The following XPC variants were observed in gnomAD, a reference collection of about 807,000 sequenced individuals.
XPC encodes the protein XPC complex subunit, DNA damage recognition and repair factor, also known as DNA repair protein complementing XP-C cells.
A neutral mutation model predicts 95.8 loss-of-function variants in XPC; 76 were observed. The observed-to-expected ratio is 0.79, with a 90% CI of 0.66 to 0.96. The LOEUF (loss-of-function observed/expected upper bound fraction) is 0.96. Ranked by LOEUF, XPC falls within the 40% of genes least tolerant of loss-of-function variation. XPC has a pLI of 0.00. For missense variants in XPC, 1,146 were observed against 1,179.8 expected, an observed-to-expected ratio of 0.97 and a Z score of 0.42; for synonymous variants, 442 against 442.1, an observed-to-expected ratio of 1.00 and a Z score of 0.00.
At chr3:14,161,700 A>G (rs907047256) in intron 7 of XPC, among the ~76,000 whole-genome samples, 6 of 150,640 alleles carry the variant, frequency 4.0e-5, no homozygotes, top group Non-Finnish European at 7.4e-5. Flanking sequence ...ACCCAGATCT[A>G]GTATGATACT....
chr3:14,172,728 G>A (rs1678505684), intron 2 of XPC, 139 bp downstream of exon 2: 3 of 958,826 alleles, frequency 3.1e-6, no homozygotes, highest in Non-Finnish European at 4.4e-6. Context: ...GCTCTTACCG[G>A]TCTGAGTTGT....
intron 10 of XPC, among the ~76,000 whole-genome samples, chr3:14,155,758 T>C (rs1256680438): frequency 1.3e-5 from 2 of 152,030 alleles, no homozygotes; most frequent in African/African-American, 4.8e-5. Flanking sequence ...CAGGGTTTCA[T>C]CGTGTTAGCC....
chr3:14,148,331 G>A (rs1695533399), intron 13 of XPC: 1 of 649,434 alleles, frequency 1.5e-6, no homozygotes, highest in Non-Finnish European at 2.6e-6. Context: ...CCCTAAACCT[G>A]GGAAGAACGT....
chr3:14,161,081 T>G (rs557813478), intron 7 of XPC, among the ~76,000 whole-genome samples: 1 of 152,102 alleles, frequency 6.6e-6, no homozygotes, highest in Non-Finnish European at 1.5e-5. Flanking sequence ...ACAAATTAGA[T>G]AACATAGAGA....
Position 14,158,658 on chromosome 3 carries a change from G to C in XPC, c.1225C>G (p.Gln409Glu), listed in dbSNP as rs562557088. 19 of 1,613,868 alleles carry C rather than the reference G, an allele frequency of 1.2e-5. No individual in the cohort carries two copies. Among genetic ancestry groups the C allele is most frequent in the African/African-American group, 9.3e-5 (7 of 75,010 alleles). ...SEEDEGPGDK[Q>E]EKATQRRPHG... is the part of the protein sequence containing the mutation. ...GGACGTCGCTGGGTTGCCTTCTCCT[G>C]CTTGTCTCCTGGGCCCTCATCTTCC... Residue 409 changes from glutamine (Q) to glutamate (E), a missense_variant, in exon 9 of 16, where the codon CAG (glutamine) becomes GAG (glutamate). By Grantham distance (29) the Gln-to-Glu change is conservative. Transcript: ENST00000285021. The surrounding 1 kb of genome is among the most constrained non-coding windows in gnomAD (Gnocchi z 5.2).
chr3:14,149,140 G>A (rs1383998574), intron 11 of XPC, among the ~76,000 whole-genome samples, 192 bp from the exon 12 acceptor site: 2 of 151,466 alleles, frequency 1.3e-5, no homozygotes, highest in Non-Finnish European at 2.9e-5. Context: ...CTGGAGTACA[G>A]TGGTGCAATC....
chr3:14,166,341 C>T (rs955799660), intron 5 of XPC, among the ~76,000 whole-genome samples: 4 of 152,104 alleles, frequency 2.6e-5, no homozygotes, highest in African/African-American at 9.7e-5. Flanking sequence ...ACAGCTGTCT[C>T]GTTTCGTGCC....
intron 10 of XPC, among the ~76,000 whole-genome samples, chr3:14,154,895 T>TA (rs1263403430): frequency 6.6e-6 from 1 of 151,814 alleles, no homozygotes; most frequent in Non-Finnish European, 1.5e-5. Context: ...TTTACCACAA[T>TA]AAAAAATAAA....
At chr3:14,171,976 CT>C (rs1696633736) in intron 2 of XPC, among the ~76,000 whole-genome samples, 3 of 152,106 alleles carry the variant, frequency 2.0e-5, no homozygotes, top group Admixed American at 2.0e-4. Flanking sequence ...GGACTAGAGG[CT>C]GCTGGAAAAG....
rs183171795 is a variant in XPC at position 14,163,677 on chromosome 3, G to A, written c.900+1136C>T. On this transcript the variant is annotated intron_variant, in intron 7 of 15. Transcript: ENST00000285021. ...CAAAAACATTTTGGAAATAGAGGTGGTAGTTGCACAACATTGTAAATGTAC... is the reference window on the plus strand; with the variant it reads ...CAAAAACATTTTGGAAATAGAGGTGATAGTTGCACAACATTGTAAATGTAC... Among the ~76,000 whole-genome samples, 401 of 152,318 alleles carry A rather than the reference G, an allele frequency of 2.6e-3. 3 individuals are homozygous for A. Among genetic ancestry groups the A allele is most frequent in the Middle Eastern group, 3.4e-3 (1 of 294 alleles).
At chr3:14,173,378 C>T (rs1696691368) in intron 1 of XPC, among the ~76,000 whole-genome samples, 1 of 152,200 alleles carries the variant, frequency 6.6e-6, no homozygotes, top group African/African-American at 2.4e-5. Flanking sequence ...GAAAATACAA[C>T]ATCCATTAAT....
intron 1 of XPC, among the ~76,000 whole-genome samples, chr3:14,174,225 TA>T (rs1335682068): frequency 1.2e-4 from 19 of 152,122 alleles, no homozygotes; most frequent in African/African-American, 4.3e-4. Context: ...AACCAAAAAA[TA>T]AGGAAAAATT....
intron 1 of XPC, among the ~76,000 whole-genome samples, chr3:14,174,027 C>T (rs1018195940): frequency 3.9e-5 from 6 of 152,032 alleles, no homozygotes; most frequent in African/African-American, 1.4e-4. Context: ...TTATATTCCA[C>T]AAGAATATAC....
intron 2 of XPC, among the ~76,000 whole-genome samples, chr3:14,171,952 ACT>A (rs1021056101): frequency 2.1e-4 from 32 of 151,852 alleles, no homozygotes; most frequent in African/African-American, 7.0e-4. Flanking sequence ...CTACTGGACT[ACT>A]CTCCCATCCC....
rs558239934 is a variant in XPC, at chr3:14,159,731, C to T, written c.990+10G>A. 1.0e-4 allele frequency: 159 copies of T among 1,556,488 alleles called. 1 individual carries two copies. The South Asian group carries it at 1.4e-3, about 14-fold the overall frequency. Reference sequence around the variant, plus strand: ...TTGCTCCTCTTCTCTGGCAGCCCTGCGCACCTCACCTTTGCTGTTGCTGAC... The same window carrying T: ...TTGCTCCTCTTCTCTGGCAGCCCTGTGCACCTCACCTTTGCTGTTGCTGAC... On this transcript the variant is annotated intron_variant, in intron 8 of 15. Coordinates refer to ENST00000285021, the MANE Select transcript of XPC (RefSeq NM_004628.5).
Position 14,164,816 on chromosome 3 carries a change from G to T in XPC, c.897C>A (p.Val299=). ...GTGATCCGGGAGGATCACTTACATG[G>T]ACCAATTCCTCATCATCTCGAGCAG... ...IYSARDDEEL[V]HIFLLILRAL... The change falls in exon 7 of 16, where the codon GTC becomes GTA. Residue 299 remains valine (V), a synonymous_variant. Coordinates refer to ENST00000285021, the MANE Select transcript of XPC (RefSeq NM_004628.5). 2 of 1,612,880 alleles carry T rather than the reference G, an allele frequency of 1.2e-6. No homozygotes were observed. The highest frequency in any genetic ancestry group is 1.7e-6 in the Non-Finnish European group (2 of 1,179,454).
chr3:14,160,528 A>G (rs953890564), intron 7 of XPC, among the ~76,000 whole-genome samples: 2 of 152,230 alleles, frequency 1.3e-5, no homozygotes. Context: ...CGGTGTGAGA[A>G]GCCATTGTTA....
intron 3 of XPC, 129 bp from the exon 4 acceptor site, chr3:14,168,509 G>A (rs1696481082): frequency 1.8e-6 from 2 of 1,124,328 alleles, no homozygotes; most frequent in African/African-American, 3.2e-5. Flanking sequence ...AGCCCACAGA[G>A]ACCCCTAGAC....
chr3:14,171,656 T>C (rs1488216210), intron 2 of XPC, among the ~76,000 whole-genome samples: 1 of 152,104 alleles, frequency 6.6e-6, no homozygotes, highest in African/African-American at 2.4e-5. Context: ...ACCAACATGG[T>C]GGAACCCTGT....
Sources: gnomAD v4.1 joint callset for allele counts (sites outside exome capture counted in the v4.1 genomes callset) on GRCh38, gnomAD v4.1.1 for gene constraint, Gnocchi (gnomAD v3.1) non-coding constraint, MANE v1.5 for transcripts, NCBI Gene and HGNC (gene_info 2026-07-23, HGNC 2026-07-21) for gene names.